The following ADAM28 variants were observed in gnomAD, a reference collection of about 807,000 sequenced individuals.
ADAM28 encodes the protein disintegrin and metalloproteinase domain-containing protein 28.
In ADAM28, 105 loss-of-function variants were observed where a neutral mutation model predicts 101.2. The observed-to-expected ratio is 1.04, with a 90% CI of 0.89 to 1.22. The LOEUF (loss-of-function observed/expected upper bound fraction) is 1.22. ADAM28 is among the 50% of genes most tolerant of loss of function. The pLI, the probability that ADAM28 is intolerant of heterozygous loss-of-function variation, is 0.00. For missense variants in ADAM28, 1,028 were observed against 945.4 expected, an observed-to-expected ratio of 1.09 and a Z score of -1.15; for synonymous variants, 322 against 310.6, an observed-to-expected ratio of 1.04 and a Z score of -0.39.
At position 24,311,902 on chromosome 8, in the gene ADAM28, C is replaced by T. The variant is rs1338459459; in HGVS notation, c.383+465C>T. 3.9e-5 allele frequency among the ~76,000 whole-genome samples: 6 copies of T among 152,136 alleles called. No individual in the cohort carries two copies. The East Asian group carries it at 1.2e-3, about 30-fold the overall frequency. On this transcript the variant is annotated intron_variant, in intron 5 of 22. Transcript: ENST00000265769. Reference sequence around the variant, plus strand: ...TACAGATGCCCGCCACCACACCTGGCTAGGTTTTGTATTTTTAATAGAAAC... The same window carrying T: ...TACAGATGCCCGCCACCACACCTGGTTAGGTTTTGTATTTTTAATAGAAAC...
chr8:24,338,787 G>A (rs1269792788), intron 14 of ADAM28, among the ~76,000 whole-genome samples: 1 of 152,074 alleles, frequency 6.6e-6, no homozygotes, highest in African/African-American at 2.4e-5. Flanking sequence ...AGGAACATAG[G>A]TCTTTCTCTG....
intron 10 of ADAM28, 105 bp from the exon 11 acceptor site, chr8:24,329,880 T>C: frequency 1.1e-6 from 1 of 950,238 alleles, no homozygotes; most frequent in Non-Finnish European, 1.6e-6. Flanking sequence ...TGTGTGTGTG[T>C]GTGTGTGAGA....
At chr8:24,320,186 C>G in intron 6 of ADAM28, 50 bp from the exon 7 acceptor site, 1 of 1,345,814 alleles carries the variant, frequency 7.4e-7, no homozygotes, top group Non-Finnish European at 1.0e-6. Flanking sequence ...AATAGAAGAA[C>G]TTTTGCAGAA....
intron 21 of ADAM28, among the ~76,000 whole-genome samples, chr8:24,352,782 A>G (rs1816320423): frequency 6.6e-6 from 1 of 152,100 alleles, no homozygotes; most frequent in South Asian, 2.1e-4. Flanking sequence ...CATTTCTGAA[A>G]ATGATTTAAG....
intron 14 of ADAM28, among the ~76,000 whole-genome samples, chr8:24,337,459 G>A (rs1814237750): frequency 6.6e-6 from 1 of 152,144 alleles, no homozygotes; most frequent in Non-Finnish European, 1.5e-5. Flanking sequence ...AGTCTCCTCG[G>A]CAAATCTGTA....
intron 6 of ADAM28, among the ~76,000 whole-genome samples, chr8:24,314,327 A>AAAAT (rs1186606313): frequency 1.3e-5 from 2 of 152,180 alleles, no homozygotes; most frequent in African/African-American, 4.8e-5. Context: ...AGAAATGAGC[A>AAAAT]AAATAGACAT....
At chr8:24,328,021 A>C (rs917544163) in intron 10 of ADAM28, among the ~76,000 whole-genome samples, 2 of 152,132 alleles carry the variant, frequency 1.3e-5, no homozygotes, top group Non-Finnish European at 2.9e-5. Flanking sequence ...CAGTTTACGT[A>C]AGTAACAATC....
intron 21 of ADAM28, among the ~76,000 whole-genome samples, chr8:24,352,956 A>G (rs538184467): frequency 2.6e-5 from 4 of 152,030 alleles, no homozygotes; most frequent in Admixed American, 2.6e-4. Context: ...TGAATTTTTA[A>G]TCTCTCACCT....
rs1350896272 is a variant in ADAM28 at position 24,358,800 on chromosome 8, C to T, written c.*4396C>T. ...GGTATACAATTTATTGTGAAGGCAA[C>T]TTCTTGTGAACATTAAACGGTTTAT... On this transcript the variant is annotated 3_prime_UTR_variant, in exon 23 of 23. Transcript: ENST00000265769. 1 of 152,104 alleles carries T rather than the reference C, an allele frequency of 6.6e-6. No individual in the cohort carries two copies. The highest frequency in any genetic ancestry group is 2.4e-5 in the African/African-American group (1 of 41,416). The allele number at this position is 152,104 out of a possible 1,614,324, so 9.4% of individuals were successfully genotyped here.
chr8:24,331,009 G>A (rs1813290546), intron 11 of ADAM28, 141 bp from the exon 12 acceptor site: 2 of 736,422 alleles, frequency 2.7e-6, no homozygotes, highest in Admixed American at 6.1e-5. Flanking sequence ...ATGCAAATGA[G>A]CTCACGATCT....
intron 5 of ADAM28, 125 bp from the exon 6 acceptor site, chr8:24,313,263 C>A: frequency 1.2e-6 from 1 of 820,728 alleles, no homozygotes; most frequent in African/African-American, 1.8e-5. Context: ...ATTTTATTGC[C>A]ATGAGCTTAA....
At chr8:24,305,375 T>C (rs1348376680) in intron 2 of ADAM28, among the ~76,000 whole-genome samples, 3 of 151,630 alleles carry the variant, frequency 2.0e-5, no homozygotes, top group Non-Finnish European at 4.4e-5. Flanking sequence ...TGTGTGTGTG[T>C]GCATGTGTTT....
At chr8:24,353,941 T>C in intron 22 of ADAM28, 109 bp downstream of exon 22, 1 of 705,648 alleles carries the variant, frequency 1.4e-6, no homozygotes, top group Non-Finnish European at 2.3e-6. Context: ...ACAGTATCTG[T>C]ATGATTTGGA....
intron 1 of ADAM28, among the ~76,000 whole-genome samples, chr8:24,298,154 C>T (rs188214437): frequency 2.6e-5 from 4 of 152,106 alleles, no homozygotes; most frequent in Admixed American, 1.3e-4. Flanking sequence ...ATTTAATTGG[C>T]GTCCTTTTTT....
At chr8:24,303,723 T>C (rs1373858949) in intron 2 of ADAM28, among the ~76,000 whole-genome samples, 1 of 152,238 alleles carries the variant, frequency 6.6e-6, no homozygotes, top group Non-Finnish European at 1.5e-5. Context: ...TTCTATAAAT[T>C]ACTGTGGGCA....
At chr8:24,339,605 C>A (rs1814522665) in intron 15 of ADAM28, 37 bp downstream of exon 15, 1 of 1,513,236 alleles carries the variant, frequency 6.6e-7, no homozygotes, top group South Asian at 1.2e-5. Context: ...GCTTCACAGA[C>A]TAGAGCAATG....
chr8:24,324,154 A>G, intron 9 of ADAM28, 151 bp downstream of exon 9: 1 of 627,820 alleles, frequency 1.6e-6, no homozygotes, highest in Admixed American at 3.8e-5. Context: ...TTTTGGATCC[A>G]AGTATTTTTT....
intron 14 of ADAM28, among the ~76,000 whole-genome samples, 155 bp from the exon 15 acceptor site, chr8:24,339,311 G>A (rs951057687): frequency 6.6e-6 from 1 of 152,160 alleles, no homozygotes; most frequent in Non-Finnish European, 1.5e-5. Context: ...TCTAGGAGTG[G>A]TCAATGGAAT....
chr8:24,335,830 G>A (rs886101194), intron 14 of ADAM28, 189 bp downstream of exon 14: 72 of 1,257,110 alleles, frequency 5.7e-5, no homozygotes, highest in Non-Finnish European at 6.8e-5. Flanking sequence ...AAATAAGGAT[G>A]GCCCCGTTAA....
Sources: gnomAD v4.1 joint callset for allele counts (sites outside exome capture counted in the v4.1 genomes callset) on GRCh38, gnomAD v4.1.1 for gene constraint, MANE v1.5 for transcripts, NCBI Gene and HGNC (gene_info 2026-07-23, HGNC 2026-07-21) for gene names.